PIWIL2: variants seen among roughly 807,000 people sequenced by gnomAD.
The protein encoded by PIWIL2 is piwi-like protein 2.
Under a neutral mutation model 116.5 loss-of-function variants are expected in PIWIL2, and 81 were observed. The ratio of observed to expected loss-of-function variants is 0.70; its 90% CI spans 0.58 to 0.84. The LOEUF (loss-of-function observed/expected upper bound fraction) is 0.84, where lower values mean the gene tolerates loss of function less well. Ranked by LOEUF, PIWIL2 falls within the 40% of genes least tolerant of loss-of-function variation. The pLI, the probability that PIWIL2 is intolerant of heterozygous loss-of-function variation, is 0.00. For missense variants in PIWIL2, 1,272 were observed against 1,212.3 expected (o/e 1.05, Z -0.73); for synonymous variants, 489 against 429.5 (o/e 1.14, Z -1.71).
chr8:22,278,910 A>G (rs1830438459), intron 1 of PIWIL2, among the ~76,000 whole-genome samples: 1 of 152,140 alleles, frequency 6.6e-6, no homozygotes, highest in Non-Finnish European at 1.5e-5. Flanking sequence ...GTCTCCCATC[A>G]CCCACAGATG....
At chr8:22,311,684 G>C (rs900372022) in intron 16 of PIWIL2, among the ~76,000 whole-genome samples, 5 of 152,200 alleles carry the variant, frequency 3.3e-5, no homozygotes, top group Non-Finnish European at 7.3e-5. Flanking sequence ...TTACTCTGGT[G>C]ATGAACTTGG....
Position 22,281,166 on chromosome 8 carries a change from C to G in PIWIL2, c.245C>G (p.Thr82Arg), listed in dbSNP as rs769454927. 6 of 1,612,904 alleles carry G rather than the reference C, an allele frequency of 3.7e-6. No individual in the cohort carries two copies. In the South Asian group the frequency reaches 5.5e-5, roughly 15 times the overall value. Reference protein sequence around the residue: ...VSMFRGLGIETVSKTPLKREM... With the variant: ...VSMFRGLGIERVSKTPLKREM... ...ATGTTCCGAGGCCTGGGCATTGAAA[C>G]AGTTTCTAAGACCCCTCTGAAACGG... is the stretch of plus-strand genomic sequence containing the variant. Residue 82 changes from threonine to arginine, a missense_variant, in exon 3 of 23, where the codon ACA becomes AGA. By Grantham distance (71) the Thr-to-Arg change is moderately conservative (BLOSUM62 -1). Coordinates refer to ENST00000356766, the MANE Select transcript of PIWIL2 (RefSeq NM_018068.5).
chr8:22,354,955 A>C (rs1348198532), intron 22 of PIWIL2, among the ~76,000 whole-genome samples: 1 of 152,128 alleles, frequency 6.6e-6, no homozygotes, highest in Non-Finnish European at 1.5e-5. Flanking sequence ...CTATAATCCC[A>C]GCTACTCGGG....
chr8:22,301,932 G>T (rs529372567), intron 10 of PIWIL2, among the ~76,000 whole-genome samples: 80 of 152,102 alleles, frequency 5.3e-4, no homozygotes, highest in African/African-American at 1.7e-3. Flanking sequence ...AAATGTGTAG[G>T]TTCTGTGTTT....
rs1302592593 is a variant in PIWIL2, at chr8:22,357,186, AT to A, written c.*1682del. ...TTTCCTTAAAACAAGAAAACCAAGA[AT>A]GTTTTTGGTTTGTTGCGGTGCCCAG... On this transcript the variant is annotated 3_prime_UTR_variant, in exon 23 of 23. Coordinates refer to ENST00000356766, the MANE Select transcript of PIWIL2 (RefSeq NM_018068.5). The A allele has an allele frequency of 2.6e-5, 4 of 152,198 alleles. No homozygotes were observed. Among genetic ancestry groups the A allele is most frequent in the African/African-American group, 9.6e-5 (4 of 41,464 alleles). 9.4% of individuals were successfully genotyped at this position (152,198 alleles called of 1,614,324 possible). A position where few individuals can be genotyped will look rare whatever the true frequency, so the allele number is the denominator to read the frequency against.
chr8:22,331,361 A>AT (rs976123679), intron 20 of PIWIL2, among the ~76,000 whole-genome samples: 18 of 150,606 alleles, frequency 1.2e-4, no homozygotes, highest in East Asian at 5.8e-4. Flanking sequence ...TTTAATTTCT[A>AT]TTTTTTTTTG....
At chr8:22,286,422 C>G (rs1830630101) in intron 6 of PIWIL2, among the ~76,000 whole-genome samples, 1 of 151,952 alleles carries the variant, frequency 6.6e-6, no homozygotes, top group African/African-American at 2.4e-5. Context: ...AGGGAAGTAG[C>G]CAGAAAAGTG....
chr8:22,298,194 T>A (rs1463770764), intron 10 of PIWIL2, among the ~76,000 whole-genome samples: 2 of 151,854 alleles, frequency 1.3e-5, no homozygotes, highest in East Asian at 3.9e-4. Flanking sequence ...ATGTCAAGGC[T>A]GCAGTGAGTG....
intron 20 of PIWIL2, among the ~76,000 whole-genome samples, chr8:22,340,316 C>T (rs140710361): frequency 0.029 from 4,469 of 152,182 alleles, 101 homozygotes; most frequent in Non-Finnish European, 0.049. Context: ...CTCGGCCTCC[C>T]GAAGTGCTGG....
intron 20 of PIWIL2, among the ~76,000 whole-genome samples, chr8:22,331,125 A>G (rs1012830478): frequency 6.6e-6 from 1 of 152,176 alleles, no homozygotes; most frequent in Non-Finnish European, 1.5e-5. Context: ...GCAGTGAGCC[A>G]AGATTGTGCC....
At chr8:22,300,123 A>T (rs1831011719) in intron 10 of PIWIL2, among the ~76,000 whole-genome samples, 1 of 151,778 alleles carries the variant, frequency 6.6e-6, no homozygotes. Context: ...TAGAGATGGG[A>T]CCTCACTATG....
intron 20 of PIWIL2, among the ~76,000 whole-genome samples, chr8:22,327,007 T>A (rs935630445): frequency 6.0e-5 from 9 of 150,164 alleles, no homozygotes; most frequent in African/African-American, 2.2e-4. Flanking sequence ...CAACAATTGC[T>A]ATTTTCTGTT....
chr8:22,347,476 C>G (rs567978188), intron 20 of PIWIL2, among the ~76,000 whole-genome samples: 15 of 150,928 alleles, frequency 9.9e-5, no homozygotes, highest in African/African-American at 3.4e-4. Context: ...CTCAGCCTCC[C>G]AAAGTGCTGG....
At chr8:22,330,904 G>A (rs919764233) in intron 20 of PIWIL2, among the ~76,000 whole-genome samples, 1 of 152,046 alleles carries the variant, frequency 6.6e-6, no homozygotes, top group African/African-American at 2.4e-5. Flanking sequence ...TGGGCACGAG[G>A]TGGCTCACGC....
In PIWIL2 at chr8:22,284,242, A is replaced by C; in HGVS notation, c.713A>C (p.Glu238Ala). ...LNLVKIQCHN[E>A]AVYQYHVTFS... ...CTCGTCAAAATACAGTGTCATAATG[A>C]AGCAGTTTATCAATATCATGTGACT... The change falls in exon 6 of 23, where the codon GAA becomes GCA. Residue 238 changes from glutamate to alanine, a missense_variant. Transcript: ENST00000356766. The C allele has an allele frequency of 6.3e-7, 1 of 1,599,218 alleles. No homozygotes were observed. Among genetic ancestry groups the C allele is most frequent in the Non-Finnish European group, 8.5e-7 (1 of 1,170,236 alleles).
chr8:22,340,961 C>CCTTG (rs1832095068), intron 20 of PIWIL2, among the ~76,000 whole-genome samples: 1 of 152,136 alleles, frequency 6.6e-6, no homozygotes, highest in East Asian at 1.9e-4. Flanking sequence ...AGTTCTCCCG[C>CCTTG]CTTGCCCTCC....
chr8:22,327,367 TCG>T (rs1462605773), intron 20 of PIWIL2, among the ~76,000 whole-genome samples: 9 of 146,004 alleles, frequency 6.2e-5, no homozygotes, highest in Admixed American at 2.0e-4. Flanking sequence ...GTTTTTTGTT[TCG>T]TTTTTTTTTT....
chr8:22,323,543 T>A (rs4398914), intron 20 of PIWIL2, among the ~76,000 whole-genome samples: 7,544 of 152,304 alleles, frequency 0.05, 291 homozygotes, highest in Admixed American at 0.086. Context: ...TCATTTTTTT[T>A]AAATCAGTGT....
chr8:22,282,054 T>C (rs1830517391), intron 4 of PIWIL2, among the ~76,000 whole-genome samples: 1 of 147,112 alleles, frequency 6.8e-6, no homozygotes, highest in Non-Finnish European at 1.5e-5. Context: ...ATTACAGGCA[T>C]GAGCCCCACT....
Sources: allele counts gnomAD v4.1 joint callset (sites outside exome capture counted in the v4.1 genomes callset), GRCh38; gene constraint gnomAD v4.1.1; transcripts MANE v1.5; gene names NCBI Gene and HGNC (gene_info 2026-07-23, HGNC 2026-07-21).